NPAS3: variants seen among roughly 807,000 people sequenced by gnomAD.
The protein encoded by NPAS3 is neuronal PAS domain-containing protein 3.
Under a neutral mutation model 73.1 loss-of-function variants are expected in NPAS3, and 14 were observed. That is an observed-to-expected ratio of 0.19 (90% CI 0.13 to 0.30). NPAS3 has a LOEUF of 0.30. Among genes scored for constraint, NPAS3 ranks in the 10% least tolerant of loss-of-function variants. NPAS3 has a pLI of 1.00. For missense variants in NPAS3, 1,096 were observed against 1,250.0 expected, an observed-to-expected ratio of 0.88 and a Z score of 1.86; for synonymous variants, 620 against 541.5, an observed-to-expected ratio of 1.14 and a Z score of -2.01.
intron 5 of NPAS3, among the ~76,000 whole-genome samples, chr14:33,583,914 A>G (rs1357229280): frequency 6.6e-6 from 1 of 152,226 alleles, no homozygotes; most frequent in Non-Finnish European, 1.5e-5. Context: ...CCTGGGGTCC[A>G]TAGACCAACA....
At chr14:33,461,706 A>T (rs888735125) in intron 4 of NPAS3, among the ~76,000 whole-genome samples, 2 of 152,230 alleles carry the variant, frequency 1.3e-5, no homozygotes, top group Non-Finnish European at 2.9e-5. Context: ...CCTTGCACTT[A>T]GTATCCAATG....
At chr14:33,155,335 C>T (rs781484662) in intron 2 of NPAS3, among the ~76,000 whole-genome samples, 1 of 152,170 alleles carries the variant, frequency 6.6e-6, no homozygotes, top group Non-Finnish European at 1.5e-5. Context: ...TAACCATTTC[C>T]ATTCTTCTTG....
chr14:33,727,610 A>G (rs2061304472), intron 6 of NPAS3, among the ~76,000 whole-genome samples: 1 of 151,436 alleles, frequency 6.6e-6, no homozygotes, highest in Non-Finnish European at 1.5e-5. Flanking sequence ...TTTGTCATTA[A>G]AAAAAAAGAG....
intron 3 of NPAS3, among the ~76,000 whole-genome samples, chr14:33,305,706 G>A (rs1324338680): frequency 6.6e-6 from 1 of 152,084 alleles, no homozygotes; most frequent in Non-Finnish European, 1.5e-5. Context: ...TCAATTGAAT[G>A]GCTAAATAGT....
downstream of NPAS3, chr14:33,801,173 T>G: frequency 2.0e-6 from 3 of 1,528,094 alleles, no homozygotes; most frequent in Non-Finnish European, 2.6e-6. Flanking sequence ...CATTTTCGTT[T>G]AGACCTTTAA....
chr14:33,588,640 G>A (rs1436282033), intron 5 of NPAS3, among the ~76,000 whole-genome samples: 1 of 152,164 alleles, frequency 6.6e-6, no homozygotes, highest in African/African-American at 2.4e-5. Context: ...CTGAGATGGA[G>A]TCTCACTCTG....
intron 3 of NPAS3, among the ~76,000 whole-genome samples, chr14:33,362,531 C>T (rs1384586964): frequency 2.6e-5 from 4 of 152,164 alleles, no homozygotes; most frequent in African/African-American, 9.7e-5. Context: ...CATTCTTTCT[C>T]AGCCGCTGGC....
chr14:33,481,790 AT>A (rs948233142), intron 4 of NPAS3, among the ~76,000 whole-genome samples: 3 of 151,976 alleles, frequency 2.0e-5, no homozygotes, highest in African/African-American at 7.3e-5. Context: ...AATCAAAAAA[AT>A]AAAAAAAAAT....
intron 3 of NPAS3, among the ~76,000 whole-genome samples, chr14:33,299,773 G>A (rs2042453585): frequency 6.6e-6 from 1 of 151,910 alleles, no homozygotes; most frequent in Non-Finnish European, 1.5e-5. Flanking sequence ...TTTTTCTTTG[G>A]AGTGAAATAA....
At chr14:33,514,368 G>A (rs2053201845) in intron 4 of NPAS3, among the ~76,000 whole-genome samples, 1 of 152,000 alleles carries the variant, frequency 6.6e-6, no homozygotes, top group African/African-American at 2.4e-5. Flanking sequence ...CTCACCAAGT[G>A]AGGTTATCTG....
chr14:33,035,751 A>G (rs541313765), intron 1 of NPAS3, among the ~76,000 whole-genome samples: 14 of 152,272 alleles, frequency 9.2e-5, no homozygotes, highest in African/African-American at 2.9e-4. Flanking sequence ...TTCCATTGAC[A>G]TGAGTTCTTC....
intron 11 of NPAS3, among the ~76,000 whole-genome samples, chr14:33,799,471 A>G (rs189312787): frequency 3.3e-5 from 5 of 152,330 alleles, no homozygotes; most frequent in Non-Finnish European, 5.9e-5. Flanking sequence ...GAGAGTCTGC[A>G]TTTGCAGCGG....
intron 3 of NPAS3, among the ~76,000 whole-genome samples, chr14:33,287,387 G>A (rs549186792): frequency 1.3e-5 from 2 of 152,280 alleles, no homozygotes; most frequent in African/African-American, 4.8e-5. Context: ...CACAGTCAGA[G>A]GAGGTGAGGC....
chr14:33,173,595 A>AT (rs2045476650), intron 2 of NPAS3, among the ~76,000 whole-genome samples: 1 of 152,228 alleles, frequency 6.6e-6, no homozygotes, highest in Non-Finnish European at 1.5e-5. Context: ...TGTTTCAAGA[A>AT]TGAATATTTA....
chr14:33,518,787 C>CT (rs1037518201), intron 4 of NPAS3, among the ~76,000 whole-genome samples: 26 of 92,020 alleles, frequency 2.8e-4, no homozygotes, highest in African/African-American at 9.0e-4. Context: ...TCCCCAAATA[C>CT]TTCTCCTTCT....
intron 5 of NPAS3, among the ~76,000 whole-genome samples, chr14:33,605,745 C>G (rs893163221): frequency 6.6e-6 from 1 of 152,040 alleles, no homozygotes; most frequent in Admixed American, 6.6e-5. Flanking sequence ...GAGATAGATA[C>G]CATTTTTGTA....
At chr14:33,446,125 G>T (rs1006164856) in intron 4 of NPAS3, among the ~76,000 whole-genome samples, 3 of 149,372 alleles carry the variant, frequency 2.0e-5, no homozygotes, top group African/African-American at 7.4e-5. Flanking sequence ...TTTTCATCTT[G>T]GATTATTTTT....
intron 6 of NPAS3, among the ~76,000 whole-genome samples, chr14:33,720,430 A>G (rs17410178): frequency 0.31 from 47,503 of 152,106 alleles, 9,626 homozygotes; most frequent in Non-Finnish European, 0.46. Flanking sequence ...GTGACAGCCA[A>G]CACTTGGGTA....
At chr14:33,234,322 A>C (rs2047954924) in intron 3 of NPAS3, among the ~76,000 whole-genome samples, 1 of 152,184 alleles carries the variant, frequency 6.6e-6, no homozygotes, top group Admixed American at 6.6e-5. Flanking sequence ...AGAAATGGGA[A>C]AGTAATAAGC....
Sources: allele counts gnomAD v4.1 joint callset (sites outside exome capture counted in the v4.1 genomes callset), GRCh38; gene constraint gnomAD v4.1.1; transcripts MANE v1.5; gene names NCBI Gene and HGNC (gene_info 2026-07-23, HGNC 2026-07-21).